The following FAM135B variants were observed in gnomAD, a reference collection of about 807,000 sequenced individuals.
The protein encoded by FAM135B is protein FAM135B.
In FAM135B, 43 loss-of-function variants were observed where a neutral mutation model predicts 127.7. The ratio of observed to expected loss-of-function variants is 0.34; its 90% CI spans 0.26 to 0.43. The LOEUF (loss-of-function observed/expected upper bound fraction) is 0.43, where lower values mean the gene tolerates loss of function less well. Ranked by LOEUF, FAM135B falls within the 20% of genes least tolerant of loss-of-function variation. FAM135B has a pLI of 1.00. For missense variants in FAM135B, 1,558 were observed against 1,725.6 expected (o/e 0.90, Z 1.72); for synonymous variants, 670 against 665.1 (o/e 1.01, Z -0.11).
intron 4 of FAM135B, among the ~76,000 whole-genome samples, chr8:138,259,562 C>A (rs1210685718): frequency 6.6e-6 from 1 of 152,174 alleles, no homozygotes; most frequent in Non-Finnish European, 1.5e-5. Context: ...CATTTTCAAC[C>A]ATGGGGGCTG....
chr8:138,149,521 C>T (rs575037600), intron 13 of FAM135B, among the ~76,000 whole-genome samples: 6 of 152,314 alleles, frequency 3.9e-5, no homozygotes, highest in African/African-American at 1.4e-4. Flanking sequence ...TCTCACTTAG[C>T]TATGATGCTC....
intron 1 of FAM135B, among the ~76,000 whole-genome samples, chr8:138,381,643 G>A (rs1478401184): frequency 6.6e-6 from 1 of 152,188 alleles, no homozygotes; most frequent in Non-Finnish European, 1.5e-5. Flanking sequence ...AAGAGAAAAT[G>A]CACATATGAA....
chr8:138,362,794 G>C (rs1248121586), intron 2 of FAM135B, among the ~76,000 whole-genome samples: 1 of 152,172 alleles, frequency 6.6e-6, no homozygotes, highest in African/African-American at 2.4e-5. Flanking sequence ...CATTTTCTAT[G>C]TATATGTCAG....
At chr8:138,401,948 C>A (rs1833175816) in intron 1 of FAM135B, among the ~76,000 whole-genome samples, 1 of 152,110 alleles carries the variant, frequency 6.6e-6, no homozygotes, top group African/African-American at 2.4e-5. Context: ...TTATTCTGCT[C>A]AGATACCAGT....
intron 3 of FAM135B, among the ~76,000 whole-genome samples, chr8:138,300,350 G>C (rs1197927620): frequency 6.6e-6 from 1 of 151,978 alleles, no homozygotes; most frequent in African/African-American, 2.4e-5. Context: ...AGAGCCTGGA[G>C]ACTGCCCTCC....
At position 138,487,761 on chromosome 8, in the gene FAM135B, G is replaced by A. The variant is rs184682594; in HGVS notation, c.-20+8910C>T. On this transcript the variant is annotated intron_variant, in intron 1 of 19. Coordinates refer to ENST00000395297, the MANE Select transcript of FAM135B (RefSeq NM_015912.4). ...TCATGTCCATAATCCCAGCACTTTG[G>A]GAGGCCAAGGTGGGAGGATCACTTG... Among the ~76,000 whole-genome samples, 101 of 152,262 alleles carry A rather than the reference G, an allele frequency of 6.6e-4. 1 individual carries two copies. The East Asian group carries it at 0.018, about 27-fold the overall frequency.
At chr8:138,145,888 T>C (rs1817608833) in intron 15 of FAM135B, 71 bp downstream of exon 15, 2 of 791,434 alleles carry the variant, frequency 2.5e-6, no homozygotes, top group Non-Finnish European at 4.4e-6. Flanking sequence ...TAAATTATCA[T>C]GGTGCATTTA....
At chr8:138,204,438 A>T (rs921913468) in intron 7 of FAM135B, among the ~76,000 whole-genome samples, 2 of 152,102 alleles carry the variant, frequency 1.3e-5, no homozygotes, top group African/African-American at 4.8e-5. Flanking sequence ...TTTATTTTTC[A>T]GGTTGTCTTT....
At chr8:138,267,671 G>A (rs1823044502) in intron 3 of FAM135B, among the ~76,000 whole-genome samples, 1 of 151,836 alleles carries the variant, frequency 6.6e-6, no homozygotes, top group African/African-American at 2.4e-5. Context: ...AGGGACACAG[G>A]ATCACAGTCA....
chr8:138,291,344 A>G (rs1307970355), intron 3 of FAM135B, among the ~76,000 whole-genome samples: 1 of 152,172 alleles, frequency 6.6e-6, no homozygotes, highest in Non-Finnish European at 1.5e-5. Flanking sequence ...TTAGGCATAA[A>G]ATGACCATCA....
chr8:138,375,555 G>A (rs1178512719), intron 1 of FAM135B, among the ~76,000 whole-genome samples: 3 of 152,128 alleles, frequency 2.0e-5, no homozygotes, highest in Non-Finnish European at 4.4e-5. Context: ...AACACAGAAG[G>A]TTGACAACAG....
At chr8:138,369,962 C>A (rs340710) in intron 1 of FAM135B, among the ~76,000 whole-genome samples, 73,958 of 151,944 alleles carry the variant, frequency 0.49, 20,289 homozygotes, top group Non-Finnish European at 0.63. Context: ...GAAAGAGAGA[C>A]AAAGGGAGAG....
chr8:138,364,500 T>A (rs901101388), intron 2 of FAM135B, among the ~76,000 whole-genome samples: 1 of 152,272 alleles, frequency 6.6e-6, no homozygotes, highest in East Asian at 1.9e-4. Flanking sequence ...CTCAAGCATA[T>A]GTAGTCATAA....
intron 3 of FAM135B, among the ~76,000 whole-genome samples, chr8:138,288,380 G>A (rs1824855285): frequency 6.6e-6 from 1 of 152,174 alleles, no homozygotes. Flanking sequence ...AGTAGATGTG[G>A]CCTTGGGGAT....
chr8:138,430,361 C>T (rs984514835), intron 1 of FAM135B, among the ~76,000 whole-genome samples: 5 of 152,142 alleles, frequency 3.3e-5, no homozygotes, highest in African/African-American at 9.7e-5. Flanking sequence ...TTTTAATATA[C>T]ATGCATAAAA....
chr8:138,281,494 T>C (rs764768977), intron 3 of FAM135B, among the ~76,000 whole-genome samples: 43 of 151,568 alleles, frequency 2.8e-4, no homozygotes, highest in Non-Finnish European at 4.6e-4. Context: ...TTGAGGTAAA[T>C]AGTGTCCTAC....
intron 5 of FAM135B, among the ~76,000 whole-genome samples, chr8:138,255,884 T>G (rs1175184725): frequency 2.0e-5 from 3 of 152,120 alleles, no homozygotes; most frequent in African/African-American, 7.2e-5. Flanking sequence ...TTACTGTGCC[T>G]GACCCTGCAA....
chr8:138,426,744 TAA>T (rs1165688997), intron 1 of FAM135B, among the ~76,000 whole-genome samples: 1 of 151,944 alleles, frequency 6.6e-6, no homozygotes. Context: ...AAGAATCTAT[TAA>T]GAGTAGACCT....
Position 138,152,440 on chromosome 8 carries a change from A to G in FAM135B, c.2035T>C (p.Ser679Pro), listed in dbSNP as rs1586614628. ...CCTGAATCAGATATGATGGATGAAG[A>G]TCTCTTGATGACCCCGGATAGCACT... The part of the protein sequence containing the change: ...LSVLSGVIKR[S>P]SSIISDSGIE... The change falls in exon 13 of 20, where the codon TCT (serine) becomes CCT (proline). Residue 679 changes from serine (S) to proline (P), a missense_variant. Physicochemically the swap from Ser to Pro is moderately conservative, Grantham distance 74 (BLOSUM62 -1). Transcript: ENST00000395297. 6.2e-7 allele frequency: 1 copy of G among 1,614,136 alleles called. No homozygotes were observed. The highest frequency in any genetic ancestry group is 1.1e-5 in the South Asian group (1 of 91,078).
Sources: gnomAD v4.1 joint callset for allele counts (sites outside exome capture counted in the v4.1 genomes callset) on GRCh38, gnomAD v4.1.1 for gene constraint, MANE v1.5 for transcripts, NCBI Gene and HGNC (gene_info 2026-07-23, HGNC 2026-07-21) for gene names.